Variants in ANKRD66 observed in about 807,000 individuals in gnomAD.
The protein encoded by ANKRD66 is ankyrin repeat domain-containing protein 66.
Under a neutral mutation model 10.9 loss-of-function variants are expected in ANKRD66, and 10 were observed. The ratio of observed to expected loss-of-function variants is 0.91; its 90% CI spans 0.56 to 1.55. The LOEUF is 1.55. Among genes scored for constraint, ANKRD66 ranks in the 40% most tolerant of loss-of-function variants. ANKRD66 has a pLI of 0.00. For synonymous variants in ANKRD66, 85 were observed against 88.4 expected, an observed-to-expected ratio of 0.96 and a Z score of 0.22; for missense variants, 252 against 242.9, an observed-to-expected ratio of 1.04 and a Z score of -0.25.
chr6:46,755,794 A>C (rs1011236082), intron 4 of ANKRD66, among the ~76,000 whole-genome samples: 1 of 152,188 alleles, frequency 6.6e-6, no homozygotes, highest in East Asian at 1.9e-4. Flanking sequence ...TTGAAAGCTA[A>C]TCTACTTTTT....
chr6:46,751,802 G>C, intron 2 of ANKRD66, 135 bp from the exon 3 acceptor site: 1 of 870,730 alleles, frequency 1.1e-6, no homozygotes, highest in Non-Finnish European at 1.6e-6. Flanking sequence ...ACACACTCAT[G>C]CCACACACAT....
rs918132446 is a variant in ANKRD66 at position 46,753,619 on chromosome 6, C to T, written c.164-103C>T. ...TAGGAAACTGGAGGCTCCTCAAAGG[C>T]AAAGTTTCCCCTTCTATTGTGTTAC... On this transcript the variant is annotated intron_variant, in intron 3 of 4. Transcript: ENST00000565422. 6.8e-6 allele frequency: 8 copies of T among 1,183,956 alleles called. No homozygotes were observed. The African/African-American group carries it at 1.2e-4, about 18-fold the overall frequency. 73.3% of individuals were successfully genotyped at this position (1,183,956 alleles called of 1,614,324 possible). A position where few individuals can be genotyped will look rare whatever the true frequency, so the allele number is the denominator to read the frequency against.
intron 2 of ANKRD66, 129 bp from the exon 3 acceptor site, chr6:46,751,808 C>A: frequency 1.1e-6 from 1 of 931,702 alleles, no homozygotes; most frequent in Non-Finnish European, 1.5e-6. Context: ...TCATGCCACA[C>A]ACATGAGGCA....
intron 1 of ANKRD66, 89 bp from the exon 2 acceptor site, chr6:46,749,807 G>T: frequency 7.0e-7 from 1 of 1,428,080 alleles, no homozygotes; most frequent in Admixed American, 2.5e-5. Flanking sequence ...TTTACTTTCC[G>T]GTCTTTGTGA....
chr6:46,757,700 C>T (rs1766409027), intron 4 of ANKRD66: 1 of 152,096 alleles, frequency 6.6e-6, no homozygotes, highest in African/African-American at 2.4e-5. Flanking sequence ...TCTGAATATC[C>T]TAGGGAATGT....
intron 2 of ANKRD66, 83 bp downstream of exon 2, chr6:46,750,062 G>C (rs1431289300): frequency 2.7e-6 from 2 of 727,628 alleles, no homozygotes; most frequent in Non-Finnish European, 4.8e-6. Flanking sequence ...AGTTAGTGAA[G>C]TTGACTCCAG....
In ANKRD66 at chr6:46,748,425, A is replaced by C. The variant is rs180853652; in HGVS notation, c.-97+1435A>C. ...TACACCTGCTTAAAGGCCTCTATGAAAGGCAAGCGAAAAACTTCTAGATAC... is the reference window on the plus strand; with the variant it reads ...TACACCTGCTTAAAGGCCTCTATGACAGGCAAGCGAAAAACTTCTAGATAC... On this transcript the variant is annotated intron_variant, in intron 1 of 4. Transcript: ENST00000565422. Among the ~76,000 whole-genome samples the C allele has an allele frequency of 2.6e-5, 4 of 152,304 alleles. No individual in the cohort carries two copies. The East Asian group carries it at 7.7e-4, about 29-fold the overall frequency.
At position 46,758,955 on chromosome 6, in the gene ANKRD66, T is replaced by A; in HGVS notation, c.*34T>A. 2 of 1,507,772 alleles carry A rather than the reference T, an allele frequency of 1.3e-6. No homozygotes were observed. The highest frequency in any genetic ancestry group is 8.9e-7 in the Non-Finnish European group (1 of 1,123,634). The allele number at this position is 1,507,772 out of a possible 1,614,324, so 93.4% of individuals were successfully genotyped here. On this transcript the variant is annotated 3_prime_UTR_variant, in exon 5 of 5. Coordinates refer to ENST00000565422, the MANE Select transcript of ANKRD66 (RefSeq NM_001162435.3). ...CCTTATGTTTTCTGGCAAGGAACTT[T>A]CCCTGGTGCCAGAAATGAGGCTGTT...
intron 1 of ANKRD66, 120 bp from the exon 2 acceptor site, chr6:46,749,776 G>A (rs1766228789): frequency 1.6e-6 from 2 of 1,273,800 alleles, no homozygotes; most frequent in Non-Finnish European, 1.0e-6. Flanking sequence ...CCCAGCTTAG[G>A]CCACTTTTAG....
At chr6:46,752,548 T>C (rs1431784464) in intron 3 of ANKRD66, among the ~76,000 whole-genome samples, 1 of 152,224 alleles carries the variant, frequency 6.6e-6, no homozygotes, top group Non-Finnish European at 1.5e-5. Flanking sequence ...GATGGAACAT[T>C]TTAATCCTGA....
intron 2 of ANKRD66, among the ~76,000 whole-genome samples, chr6:46,750,908 A>T (rs1417828606): frequency 6.6e-6 from 1 of 152,020 alleles, no homozygotes; most frequent in Non-Finnish European, 1.5e-5. Flanking sequence ...TACCAAATGG[A>T]TCTCTTTATC....
At position 46,749,201 on chromosome 6, in the gene ANKRD66, T is replaced by C. The variant is rs1766209683; in HGVS notation, c.-96-695T>C. Among the ~76,000 whole-genome samples the C allele has an allele frequency of 2.6e-5, 4 of 152,188 alleles. No homozygotes were observed. The South Asian group carries it at 8.3e-4, about 32-fold the overall frequency. ...GTCACCACCTACACAATGGAGACTC[T>C]GCTGGTGGCAACTGCTGGGACTGAG... On this transcript the variant is annotated intron_variant, in intron 1 of 4. Coordinates refer to ENST00000565422, the MANE Select transcript of ANKRD66 (RefSeq NM_001162435.3).
rs368697571 is a variant in ANKRD66 at position 46,751,731 on chromosome 6, C to A, written c.-12-206C>A. On this transcript the variant is annotated intron_variant, in intron 2 of 4. Transcript: ENST00000565422. ...GACATAATTCTGTGTGCAGTGGGAG[C>A]CACCAATAGTTTTAGGGTAGGTGAC... Among the ~76,000 whole-genome samples, 41 of 152,234 alleles carry A rather than the reference C, an allele frequency of 2.7e-4. No homozygotes were observed. The South Asian group carries it at 6.0e-3, about 22-fold the overall frequency.
rs958488349 is a variant in ANKRD66 at position 46,758,986 on chromosome 6, T to C, written c.*65T>C. The C allele has an allele frequency of 1.4e-6, 2 of 1,452,488 alleles. No homozygotes were observed. Among genetic ancestry groups the C allele is most frequent in the Non-Finnish European group, 1.8e-6 (2 of 1,085,514 alleles). The allele number at this position is 1,452,488 out of a possible 1,614,324, so 90.0% of individuals were successfully genotyped here. ...GTGCCAGAAATGAGGCTGTTAGGCA[T>C]GGTGGCCTTTCCATGACTTTACTCA... On this transcript the variant is annotated 3_prime_UTR_variant, in exon 5 of 5. Transcript: ENST00000565422.
At chr6:46,749,555 C>CT (rs1766219728) in intron 1 of ANKRD66, among the ~76,000 whole-genome samples, 1 of 52,930 alleles carries the variant, frequency 1.9e-5, no homozygotes, top group Admixed American at 2.1e-4. Context: ...TTTATTCCCC[C>CT]CCCCCCCCCC....
chr6:46,753,740 G>A lies in ANKRD66; in HGVS notation c.182G>A (p.Arg61Gln), dbSNP rs746184595. ...ATCTAAGGGCAAATGGAGGTGATAC[G>A]GCTCCTGATAGAATATGGAGCCAGG... ...AAIKGQMEVI[R>Q]LLIEYGARPC... The change falls in exon 4 of 5, where the codon CGG becomes CAG. Residue 61 changes from arginine (R) to glutamine (Q), a missense_variant. By Grantham distance (43) the Arg-to-Gln change is conservative (BLOSUM62 1). Transcript: ENST00000565422. 3.2e-5 allele frequency: 49 copies of A among 1,549,534 alleles called. No homozygotes were observed. Among genetic ancestry groups the A allele is most frequent in the Middle Eastern group, 1.7e-4 (1 of 5,832 alleles).
At chr6:46,754,557 T>G (rs961794106) in intron 4 of ANKRD66, among the ~76,000 whole-genome samples, 9 of 152,214 alleles carry the variant, frequency 5.9e-5, no homozygotes, top group Admixed American at 5.2e-4. Context: ...TAGAATTCGA[T>G]TGTTTCGACA....
Position 46,758,893 on chromosome 6 carries a change from C to A in ANKRD66, c.563C>A (p.Pro188His). The change falls in exon 5 of 5, where the codon CCC becomes CAC. Residue 188 changes from proline to histidine, a missense_variant. Coordinates refer to ENST00000565422, the MANE Select transcript of ANKRD66 (RefSeq NM_001162435.3). ...AAGAAAAGTCGAGGCCCCACCAGGC[C>A]CAGCAATACCAAGGGGAGGAGAGTA... The part of the protein sequence containing the change: ...KNKKSRGPTR[P>H]SNTKGRRV The A allele has an allele frequency of 6.4e-7, 1 of 1,551,034 alleles. No homozygotes were observed.
chr6:46,750,826 G>A (rs1284278710), intron 2 of ANKRD66, among the ~76,000 whole-genome samples: 2 of 151,796 alleles, frequency 1.3e-5, no homozygotes, highest in East Asian at 3.9e-4. Context: ...GTGTCTTAAA[G>A]ATTAGTTGCA....
Sources: allele counts gnomAD v4.1 joint callset (sites outside exome capture counted in the v4.1 genomes callset), GRCh38; gene constraint gnomAD v4.1.1; transcripts MANE v1.5; gene names NCBI Gene and HGNC (gene_info 2026-07-23, HGNC 2026-07-21).